The following ARHGEF7 variants were observed in gnomAD, a reference collection of about 807,000 sequenced individuals.
ARHGEF7 encodes the protein Rho guanine nucleotide exchange factor 7, also known as PAK-interacting exchange factor beta.
In ARHGEF7, 33 loss-of-function variants were observed where a neutral mutation model predicts 109.8. The observed-to-expected ratio is 0.30, with a 90% CI of 0.23 to 0.40. ARHGEF7 has a LOEUF of 0.40. Among genes scored for constraint, ARHGEF7 ranks in the 10% least tolerant of loss-of-function variants. The probability of loss-of-function intolerance (pLI) is 1.00; values close to 1 mark genes in which losing one functional copy is unlikely to be tolerated. For synonymous variants in ARHGEF7, 458 were observed against 424.6 expected (o/e 1.08, Z -0.97); for missense variants, 938 against 1,098.5 (o/e 0.85, Z 2.07).
chr13:111,264,754 C>T (rs2091443466), intron 8 of ARHGEF7, among the ~76,000 whole-genome samples: 1 of 152,178 alleles, frequency 6.6e-6, no homozygotes, highest in Admixed American at 6.5e-5. Context: ...GTGGAGGGAG[C>T]ACTTACATTT....
chr13:111,218,329 G>T (rs1367643940), intron 5 of ARHGEF7, among the ~76,000 whole-genome samples: 1 of 152,144 alleles, frequency 6.6e-6, no homozygotes, highest in Non-Finnish European at 1.5e-5. Context: ...CAAATGCATT[G>T]CTTCCTTATG....
intron 19 of ARHGEF7, among the ~76,000 whole-genome samples, chr13:111,299,947 A>C (rs9560032): frequency 0.16 from 23,709 of 152,216 alleles, 2,800 homozygotes; most frequent in East Asian, 0.69. Context: ...TTTTTCAAAA[A>C]TATAAATGGT....
chr13:111,234,987 G>A (rs781426826), intron 6 of ARHGEF7, among the ~76,000 whole-genome samples: 4 of 152,182 alleles, frequency 2.6e-5, no homozygotes, highest in Non-Finnish European at 5.9e-5. Context: ...TTTTGTGTAC[G>A]TAGCTACAGA....
intron 2 of ARHGEF7, among the ~76,000 whole-genome samples, chr13:111,178,669 C>CA (rs1176640170): frequency 6.6e-6 from 1 of 152,200 alleles, no homozygotes; most frequent in African/African-American, 2.4e-5. Context: ...AGCCATCTGT[C>CA]AGGGAGGCAG....
At chr13:111,212,245 T>C in intron 4 of ARHGEF7, among the ~76,000 whole-genome samples, 1 of 152,126 alleles carries the variant, frequency 6.6e-6, no homozygotes, top group Non-Finnish European at 1.5e-5. Context: ...GCGGTGCCCC[T>C]CCACCATTCC....
At chr13:111,260,608 TAAAGGGAGTTCTTCAATCTG>T (rs1184228582) in intron 8 of ARHGEF7, among the ~76,000 whole-genome samples, 1 of 152,256 alleles carries the variant, frequency 6.6e-6, no homozygotes, top group Non-Finnish European at 1.5e-5. Flanking sequence ...CAAGAAATGC[TAAAGGGAGTTCTTCAATCTG>T]AAAGAAAATA....
At chr13:111,280,766 C>A in intron 15 of ARHGEF7, 89 bp downstream of exon 15, 4 of 1,363,456 alleles carry the variant, frequency 2.9e-6, no homozygotes, top group Non-Finnish European at 2.9e-6. Context: ...GCTTTAAAAC[C>A]TAATCAATAT....
rs1379912908 is a variant in ARHGEF7, at chr13:111,145,431, G to C, written c.166-8474G>C. 6.6e-6 allele frequency among the ~76,000 whole-genome samples: 1 copy of C among 152,196 alleles called. No individual in the cohort carries two copies. The highest frequency in any genetic ancestry group is 2.4e-5 in the African/African-American group (1 of 41,448). On this transcript the variant is annotated intron_variant, in intron 1 of 21. Transcript: ENST00000646102. The surrounding 1 kb of genome is among the most constrained non-coding windows in gnomAD (Gnocchi z 4.3). ...CATTAACTCTCCCTGACCCCGAAGC[G>C]AAAGGTCAAGGGAAGGAGGGTTTCT... is the stretch of plus-strand genomic sequence containing the variant.
intron 12 of ARHGEF7, 98 bp downstream of exon 12, chr13:111,275,776 A>C (rs775989355): frequency 6.9e-7 from 1 of 1,445,402 alleles, no homozygotes; most frequent in South Asian, 1.2e-5. Context: ...AAAAATGTCT[A>C]ATAGAAGCTC....
In ARHGEF7 at chr13:111,273,695, C is replaced by T; in HGVS notation, c.1074-119C>T. On this transcript the variant is annotated intron_variant, in intron 9 of 21. Transcript: ENST00000646102. The surrounding 1 kb of genome is among the most constrained non-coding windows in gnomAD (Gnocchi z 4.5). ...ATTTGGGATAAAAGCTGGAGCCTTC[C>T]AGATGTTAAAAGCAACACTTATGTT... The T allele has an allele frequency of 2.1e-6, 3 of 1,396,944 alleles. No homozygotes were observed. The highest frequency in any genetic ancestry group is 2.6e-5 in the South Asian group (2 of 77,120). The allele number at this position is 1,396,944 out of a possible 1,614,324, so 86.5% of individuals were successfully genotyped here.
intron 2 of ARHGEF7, among the ~76,000 whole-genome samples, chr13:111,173,830 A>G (rs970535782): frequency 3.3e-5 from 5 of 152,076 alleles, no homozygotes; most frequent in Admixed American, 2.6e-4. Context: ...TGCCCGTGAG[A>G]CAGGTGCGGG....
At chr13:111,298,532 C>T (rs1265887969) in intron 19 of ARHGEF7, among the ~76,000 whole-genome samples, 1 of 152,236 alleles carries the variant, frequency 6.6e-6, no homozygotes, top group Non-Finnish European at 1.5e-5. Flanking sequence ...TGTCAGGAGT[C>T]CTTGCAGCCC....
chr13:111,141,358 G>GT (rs34639240), intron 1 of ARHGEF7, among the ~76,000 whole-genome samples: 18,822 of 146,896 alleles, frequency 0.13, 1,293 homozygotes, highest in Admixed American at 0.19. Flanking sequence ...CCGTCCCCAT[G>GT]TTTTTTTTTT....
chr13:111,212,482 A>G (rs2082622877), intron 4 of ARHGEF7, among the ~76,000 whole-genome samples: 1 of 152,202 alleles, frequency 6.6e-6, no homozygotes, highest in African/African-American at 2.4e-5. Context: ...TTAGTCTTCA[A>G]CTGCTGGCTG....
At chr13:111,299,922 T>A (rs2093525351) in intron 19 of ARHGEF7, among the ~76,000 whole-genome samples, 1 of 152,236 alleles carries the variant, frequency 6.6e-6, no homozygotes. Flanking sequence ...GCCTTCTGAT[T>A]TGCATCTGGC....
intron 3 of ARHGEF7, among the ~76,000 whole-genome samples, chr13:111,208,371 T>C (rs2082127019): frequency 2.0e-5 from 3 of 152,326 alleles, no homozygotes; most frequent in Admixed American, 2.0e-4. Flanking sequence ...CTTTCCTTGA[T>C]TGGCAAACAG....
chr13:111,153,961 G>C lies in ARHGEF7; in HGVS notation c.222G>C (p.Leu74=), dbSNP rs1457567165. The change falls in exon 2 of 22, where the codon CTG becomes CTC. Residue 74 remains leucine, a synonymous_variant. Transcript: ENST00000646102. ...GCCTGAGCAACATCCGCGAGTTCCT[G>C]CGCGGCTGCGGGGCTTCCCTGCGGC... ...SECLSNIREF[L]RGCGASLRLE... 1.1e-5 allele frequency: 18 copies of C among 1,604,162 alleles called. No individual in the cohort carries two copies. Among genetic ancestry groups the C allele is most frequent in the Admixed American group, 6.7e-5 (4 of 59,632 alleles).
chr13:111,241,902 C>T (rs1004783591), intron 6 of ARHGEF7, among the ~76,000 whole-genome samples: 3 of 152,160 alleles, frequency 2.0e-5, no homozygotes, highest in Non-Finnish European at 4.4e-5. Context: ...GATCTTATTT[C>T]ATCTTATTTA....
In ARHGEF7 at chr13:111,202,960, T is replaced by TA. The variant is rs1189593376; in HGVS notation, c.253-2329_253-2328insA. 5.1e-6 allele frequency: 3 copies of TA among 585,068 alleles called. No individual in the cohort carries two copies. In the African/African-American group the frequency reaches 6.0e-5, roughly 12 times the overall value. 36.2% of individuals were successfully genotyped at this position (585,068 alleles called of 1,614,324 possible). A position where few individuals can be genotyped will look rare whatever the true frequency, so the allele number is the denominator to read the frequency against. Reference sequence around the variant, plus strand: ...GTGTGTGTATTCACTTAAACTCTGATGTCATATTGAAGCCCATTGGTGGGC... The same window carrying TA: ...GTGTGTGTATTCACTTAAACTCTGATAGTCATATTGAAGCCCATTGGTGGGC... On this transcript the variant is annotated intron_variant, in intron 2 of 21. Transcript: ENST00000646102.
Sources: allele counts gnomAD v4.1 joint callset (sites outside exome capture counted in the v4.1 genomes callset), GRCh38; gene constraint gnomAD v4.1.1; non-coding constraint Gnocchi (gnomAD v3.1); transcripts MANE v1.5; gene names NCBI Gene and HGNC (gene_info 2026-07-23, HGNC 2026-07-21).